The following KAZN variants were observed in gnomAD, a reference collection of about 807,000 sequenced individuals.
KAZN encodes kazrin.
In KAZN, 40 loss-of-function variants were observed where a neutral mutation model predicts 87.4. That is an observed-to-expected ratio of 0.46 (90% CI 0.36 to 0.60). The LOEUF is 0.60. Among genes scored for constraint, KAZN ranks in the 20% least tolerant of loss-of-function variants. The pLI, the probability that KAZN is intolerant of heterozygous loss-of-function variation, is 0.00. For missense variants in KAZN, 898 were observed against 1,073.9 expected (o/e 0.84, Z 2.29); for synonymous variants, 466 against 458.3 (o/e 1.02, Z -0.22).
intron 1 of KAZN, among the ~76,000 whole-genome samples, chr1:14,932,257 C>A (rs1479164674): frequency 6.6e-6 from 1 of 152,176 alleles, no homozygotes; most frequent in African/African-American, 2.4e-5. Flanking sequence ...CTCCCCGCCC[C>A]GTCCCCTGCC....
At chr1:13,958,600 A>G (rs942233325) in intron 1 of KAZN, among the ~76,000 whole-genome samples, 4 of 151,956 alleles carry the variant, frequency 2.6e-5, no homozygotes, top group Non-Finnish European at 5.9e-5. Context: ...TTAAAAATTA[A>G]CATATTGGGA....
intron 4 of KAZN, among the ~76,000 whole-genome samples, chr1:15,050,330 A>G (rs1481272690): frequency 1.3e-5 from 2 of 152,150 alleles, no homozygotes; most frequent in Non-Finnish European, 2.9e-5. Flanking sequence ...GTTGCTCTAG[A>G]GCCACCCTGT....
intron 1 of KAZN, among the ~76,000 whole-genome samples, chr1:14,869,853 T>C (rs1234090489): frequency 6.6e-6 from 1 of 152,196 alleles, no homozygotes. Flanking sequence ...AAATCCAGTG[T>C]TATTAAAAGC....
chr1:14,470,615 T>C (rs1668405404), intron 2 of KAZN, among the ~76,000 whole-genome samples: 1 of 152,188 alleles, frequency 6.6e-6, no homozygotes, highest in Non-Finnish European at 1.5e-5. Flanking sequence ...ATTTTTCTTC[T>C]TGGAAAGCCT....
At chr1:14,571,595 G>T (rs1159622620) in intron 2 of KAZN, among the ~76,000 whole-genome samples, 1 of 152,166 alleles carries the variant, frequency 6.6e-6, no homozygotes, top group Non-Finnish European at 1.5e-5. Context: ...TTGGTCAGAG[G>T]CTAAGGAAAC....
intron 2 of KAZN, among the ~76,000 whole-genome samples, chr1:14,963,725 T>G (rs1209449714): frequency 6.6e-6 from 1 of 152,174 alleles, no homozygotes; most frequent in Non-Finnish European, 1.5e-5. Flanking sequence ...GCTGCACCTG[T>G]CAACTCATCA....
At chr1:14,846,075 C>G (rs576873291) in intron 1 of KAZN, among the ~76,000 whole-genome samples, 4 of 152,310 alleles carry the variant, frequency 2.6e-5, no homozygotes, top group African/African-American at 9.6e-5. Context: ...TGTGCCAAGA[C>G]AGCAGCTGGG....
In KAZN at chr1:14,513,974, G is replaced by A. The variant is rs548776157; in HGVS notation, c.250-85009G>A. Among the ~76,000 whole-genome samples, 5 of 151,760 alleles carry A rather than the reference G, an allele frequency of 3.3e-5. No individual in the cohort carries two copies. In the South Asian group the frequency reaches 6.3e-4, roughly 19 times the overall value. Reference sequence around the variant, plus strand: ...AAAGATACTACATATTTAACCATTTGAAGTCAGGGACATTTGAGTTTTTGA... The same window carrying A: ...AAAGATACTACATATTTAACCATTTAAAGTCAGGGACATTTGAGTTTTTGA... On this transcript the variant is annotated intron_variant, in intron 2 of 16. Transcript: ENST00000636203.
chr1:14,415,700 T>C (rs1026968102), intron 2 of KAZN, among the ~76,000 whole-genome samples: 2 of 152,176 alleles, frequency 1.3e-5, no homozygotes, highest in African/African-American at 2.4e-5. Flanking sequence ...TCCTATGGCA[T>C]TCAGCAACCC....
chr1:14,038,720 A>G (rs577654989), intron 1 of KAZN, among the ~76,000 whole-genome samples: 1 of 152,332 alleles, frequency 6.6e-6, no homozygotes, highest in South Asian at 2.1e-4. Flanking sequence ...CATACCTGTG[A>G]TGAAGCTGCA....
intron 1 of KAZN, among the ~76,000 whole-genome samples, chr1:14,681,611 GTGTATATATATATATATATATATATA>G (rs1453124251): frequency 0.038 from 1,301 of 33,800 alleles, 63 homozygotes; most frequent in South Asian, 0.067. Context: ...ATATGTATAT[GTGTATATATATATATATATATATATA>G]TATATATATA....
chr1:14,637,254 T>A (rs1408585745), intron 1 of KAZN, among the ~76,000 whole-genome samples: 1 of 152,200 alleles, frequency 6.6e-6, no homozygotes, highest in Non-Finnish European at 1.5e-5. Flanking sequence ...GTTGACATCA[T>A]GGTATTCAAA....
intron 1 of KAZN, among the ~76,000 whole-genome samples, chr1:14,115,422 A>C (rs368702873): frequency 1.5e-3 from 228 of 152,246 alleles, no homozygotes; most frequent in African/African-American, 5.4e-3. Flanking sequence ...TGCTGTTCTC[A>C]TGATAGTGAA....
At chr1:14,070,167 C>CAAAAAAAAAAAAAAAAAAAAAAAAAA (rs61327562) in intron 1 of KAZN, among the ~76,000 whole-genome samples, 1 of 72,898 alleles carries the variant, frequency 1.4e-5, no homozygotes. Flanking sequence ...GACTCCATCT[C>CAAAAAAAAAAAAAAAAAAAAAAAAAA]AAAAAAAAAA....
chr1:14,699,379 G>A (rs2148800859), intron 1 of KAZN, among the ~76,000 whole-genome samples: 1 of 152,330 alleles, frequency 6.6e-6, no homozygotes, highest in African/African-American at 2.4e-5. Context: ...TCAAAAGAAA[G>A]AGCTTAGTGA....
intron 1 of KAZN, among the ~76,000 whole-genome samples, chr1:14,747,067 C>T (rs1175828653): frequency 1.3e-5 from 2 of 152,066 alleles, no homozygotes; most frequent in Admixed American, 6.6e-5. Flanking sequence ...CTAAGTACCC[C>T]GTATAAGCAG....
intron 2 of KAZN, among the ~76,000 whole-genome samples, chr1:14,214,214 G>C (rs926791019): frequency 7.5e-6 from 1 of 132,824 alleles, no homozygotes; most frequent in Non-Finnish European, 1.6e-5. Flanking sequence ...CCAAGGACCC[G>C]GTCTTACCTC....
chr1:14,399,796 C>T (rs1295338872), intron 2 of KAZN, among the ~76,000 whole-genome samples: 4 of 150,900 alleles, frequency 2.7e-5, no homozygotes, highest in East Asian at 2.0e-4. Context: ...AAGGCTTCCC[C>T]GAGGCTCTAC....
At chr1:14,141,321 C>T (rs750486365) in intron 1 of KAZN, among the ~76,000 whole-genome samples, 4 of 151,542 alleles carry the variant, frequency 2.6e-5, no homozygotes, top group East Asian at 3.9e-4. Flanking sequence ...GGGACCTGGC[C>T]GCAGAAGCTA....
Sources: gnomAD v4.1 joint callset for allele counts (sites outside exome capture counted in the v4.1 genomes callset) on GRCh38, gnomAD v4.1.1 for gene constraint, MANE v1.5 for transcripts, NCBI Gene and HGNC (gene_info 2026-07-23, HGNC 2026-07-21) for gene names.